ADGRE5: variants seen among roughly 807,000 people sequenced by gnomAD.
ADGRE5 encodes the protein CD97 molecule.
In ADGRE5, 72 loss-of-function variants were observed where a neutral mutation model predicts 100.3. The ratio of observed to expected loss-of-function variants is 0.72; its 90% CI spans 0.59 to 0.87. The LOEUF (loss-of-function observed/expected upper bound fraction) is 0.87, where lower values mean the gene tolerates loss of function less well. ADGRE5 is among the 40% of genes least tolerant of loss of function. ADGRE5 has a pLI of 0.00. For synonymous variants in ADGRE5, 439 were observed against 447.8 expected (o/e 0.98, Z 0.25); for missense variants, 959 against 1,094.7 (o/e 0.88, Z 1.75).
intron 1 of ADGRE5, among the ~76,000 whole-genome samples, chr19:14,388,001 A>G (rs1334329153): frequency 6.6e-6 from 1 of 152,014 alleles, no homozygotes; most frequent in African/African-American, 2.4e-5. Flanking sequence ...ACTTGAACCC[A>G]GGAGGTAGAG....
intron 4 of ADGRE5, among the ~76,000 whole-genome samples, chr19:14,391,824 G>A (rs557288086): frequency 1.3e-5 from 2 of 152,154 alleles, no homozygotes; most frequent in Non-Finnish European, 1.5e-5. Flanking sequence ...CTGGCCGGGC[G>A]CAGTGGCTCA....
At chr19:14,403,065 CAG>C (rs1257824813) in intron 12 of ADGRE5, among the ~76,000 whole-genome samples, 2 of 152,090 alleles carry the variant, frequency 1.3e-5, no homozygotes, top group African/African-American at 2.4e-5. Context: ...TATTTTAAGA[CAG>C]AGTCTCACTC....
At chr19:14,387,421 T>C (rs897256734) in intron 1 of ADGRE5, among the ~76,000 whole-genome samples, 11 of 152,084 alleles carry the variant, frequency 7.2e-5, no homozygotes, top group Non-Finnish European at 1.5e-4. Flanking sequence ...ACTCTGTCTG[T>C]AAAATAATTT....
intron 9 of ADGRE5, among the ~76,000 whole-genome samples, chr19:14,399,753 A>C (rs917426783): frequency 2.2e-4 from 33 of 151,980 alleles, no homozygotes; most frequent in African/African-American, 5.8e-4. Context: ...AAAAAAAAAA[A>C]AAACAGTTTT....
chr19:14,408,499 C>T lies in ADGRE5; in HGVS notation c.*378C>T. On this transcript the variant is annotated 3_prime_UTR_variant, in exon 20 of 20. Transcript: ENST00000242786. ...TGTCTTTGCTGCAGAACTGAAGAGA[C>T]TAGGCGCTGGGGCTCAGCTTCCCTC... 1 of 476,472 alleles carries T rather than the reference C, an allele frequency of 2.1e-6. No homozygotes were observed. Among genetic ancestry groups the T allele is most frequent in the Admixed American group, 3.5e-5 (1 of 28,920 alleles). 29.5% of individuals were successfully genotyped at this position (476,472 alleles called of 1,614,324 possible). A position where few individuals can be genotyped will look rare whatever the true frequency, so the allele number is the denominator to read the frequency against.
chr19:14,386,907 C>T (rs1975378112), intron 1 of ADGRE5, among the ~76,000 whole-genome samples: 1 of 151,604 alleles, frequency 6.6e-6, no homozygotes, highest in South Asian at 2.1e-4. Flanking sequence ...CCCAGATACT[C>T]TGGAGACTGA....
chr19:14,408,701 A>C lies in ADGRE5; in HGVS notation c.*580A>C. 1 of 573,204 alleles carries C rather than the reference A, an allele frequency of 1.7e-6. No individual in the cohort carries two copies. Among genetic ancestry groups the C allele is most frequent in the Non-Finnish European group, 2.9e-6 (1 of 340,804 alleles). The allele number at this position is 573,204 out of a possible 1,614,324, so 35.5% of individuals were successfully genotyped here. ...TAAAATTTTTCAGTGTTGACACTTA[A>C]AATTAAACACATGCATACAGAAGAT... On this transcript the variant is annotated 3_prime_UTR_variant, in exon 20 of 20. Coordinates refer to ENST00000242786, the MANE Select transcript of ADGRE5 (RefSeq NM_078481.4).
rs563311457 is a variant in ADGRE5, at chr19:14,397,107, C to T, written c.509C>T (p.Pro170Leu). 1.2e-5 allele frequency: 19 copies of T among 1,614,088 alleles called. No homozygotes were observed. Among genetic ancestry groups the T allele is most frequent in the Admixed American group, 3.3e-5 (2 of 60,002 alleles). The change falls in exon 6 of 20, where the codon CCG becomes CTG. Residue 170 changes from proline to leucine, a missense_variant. Pro to Leu is a moderately conservative substitution (Grantham distance 98). This residue lies in a region of ADGRE5 where 83 missense variants were observed against 88.8 expected (regional missense o/e 0.93). Coordinates refer to ENST00000242786, the MANE Select transcript of ADGRE5 (RefSeq NM_078481.4). ...AATGAATGCACCTCCGGACAAAACC[C>T]GTGCCACAGCTCCACCCACTGCCTC... ...DVNECTSGQN[P>L]CHSSTHCLNN...
At chr19:14,388,399 C>T in intron 1 of ADGRE5, 51 bp from the exon 2 acceptor site, 3 of 1,427,810 alleles carry the variant, frequency 2.1e-6, no homozygotes, top group Non-Finnish European at 2.8e-6. Context: ...CCTTACGCCT[C>T]CTTTCCCACC....
Position 14,398,148 on chromosome 19 carries a change from A to G in ADGRE5, c.897+9A>G, listed in dbSNP as rs376388702. On this transcript the variant is annotated intron_variant, in intron 9 of 19. Coordinates refer to ENST00000242786, the MANE Select transcript of ADGRE5 (RefSeq NM_078481.4). ...CCGAGGTCACCATCCAGGTAAGGGCAGGATGCTGGGGGACCCCAGGACAGT... is the reference window on the plus strand; with the variant it reads ...CCGAGGTCACCATCCAGGTAAGGGCGGGATGCTGGGGGACCCCAGGACAGT... The G allele has an allele frequency of 1.9e-5, 31 of 1,613,620 alleles. No individual in the cohort carries two copies. The highest frequency in any genetic ancestry group is 2.7e-5 in the African/African-American group (2 of 74,906).
chr19:14,399,229 AAGACTC>A, intron 9 of ADGRE5, among the ~76,000 whole-genome samples: 1 of 151,866 alleles, frequency 6.6e-6, no homozygotes, highest in Non-Finnish European at 1.5e-5. Context: ...TAATAGAAGT[AAGACTC>A]AGAACAGTGC....
chr19:14,407,917 G>A lies in ADGRE5; in HGVS notation c.2386G>A (p.Glu796Lys). ...GTGTCTGGGCCGGCAGGTTCGGGAA[G>A]AATACCGGAAGTGGGCCTGCCTAGT... ...HCLLNKKVRE[E>K]YRKWACLVAG... The change falls in exon 19 of 20, where the codon GAA (glutamate) becomes AAA (lysine). Residue 796 changes from glutamate to lysine, a missense_variant. Glu to Lys is a moderately conservative substitution (Grantham distance 56). This residue lies in a region of ADGRE5 where 428 missense variants were observed against 386.2 expected (regional missense o/e 1.11). Coordinates refer to ENST00000242786, the MANE Select transcript of ADGRE5 (RefSeq NM_078481.4). 6.2e-7 allele frequency: 1 copy of A among 1,614,060 alleles called. No homozygotes were observed.
Position 14,402,841 on chromosome 19 carries a change from G to A in ADGRE5, c.1428G>A (p.Ala476=), listed in dbSNP as rs765784805. 65 of 1,613,712 alleles carry A rather than the reference G, an allele frequency of 4.0e-5. No individual in the cohort carries two copies. The highest frequency in any genetic ancestry group is 8.8e-5 in the South Asian group (8 of 91,058). The change falls in exon 12 of 20, where the codon GCG becomes GCA. Residue 476 remains alanine (A), a synonymous_variant. Transcript: ENST00000242786. ...ACCTTGAGTCCTCCGATGGGGAGGC[G>A]GGAAGAGACCCTCCTGCCAAGGTCT... The part of the protein sequence containing the change: ...FSHLESSDGE[A]GRDPPAKDVM...
chr19:14,390,895 A>T, intron 3 of ADGRE5, 29 bp from the exon 4 acceptor site: 9 of 1,608,660 alleles, frequency 5.6e-6, no homozygotes, highest in Non-Finnish European at 6.8e-6. Context: ...CATCTTTGGG[A>T]GGTGACTCCC....
rs1976367067 is a variant in ADGRE5 at position 14,408,205 on chromosome 19, C to G, written c.*84C>G. The G allele has an allele frequency of 1.4e-6, 2 of 1,420,234 alleles. No individual in the cohort carries two copies. Among genetic ancestry groups the G allele is most frequent in the Non-Finnish European group, 9.8e-7 (1 of 1,018,668 alleles). 88.0% of individuals were successfully genotyped at this position (1,420,234 alleles called of 1,614,324 possible). On this transcript the variant is annotated 3_prime_UTR_variant, in exon 20 of 20. Transcript: ENST00000242786. Reference sequence around the variant, plus strand: ...AGACCATCCATCCTCCCTTCGTCCACCACTCTACTCCCTCCACCCTCCCTC... The same window carrying G: ...AGACCATCCATCCTCCCTTCGTCCAGCACTCTACTCCCTCCACCCTCCCTC...
At chr19:14,388,576 C>T (rs889249735) in intron 2 of ADGRE5, 76 bp downstream of exon 2, 37 of 1,598,674 alleles carry the variant, frequency 2.3e-5, no homozygotes, top group African/African-American at 1.3e-4. Context: ...GCCCAGCCCC[C>T]TTCAGCCCAG....
chr19:14,407,057 G>C lies in ADGRE5; in HGVS notation c.2208-4G>C, dbSNP rs376707519. 1.8e-5 allele frequency: 29 copies of C among 1,613,998 alleles called. No homozygotes were observed. Among genetic ancestry groups the C allele is most frequent in the Non-Finnish European group, 2.5e-5 (29 of 1,180,006 alleles). On this transcript the variant is annotated splice_polypyrimidine_tract_variant and splice_region_variant and intron_variant, in intron 17 of 19. Coordinates refer to ENST00000242786, the MANE Select transcript of ADGRE5 (RefSeq NM_078481.4). ...GGCCCACGCTGCAACCCCGCTCCTC[G>C]CAGGGCGCTGACCATCACGGCCATC...
At chr19:14,383,086 C>T (rs1287825406) in intron 1 of ADGRE5, among the ~76,000 whole-genome samples, 1 of 152,080 alleles carries the variant, frequency 6.6e-6, no homozygotes, top group East Asian at 1.9e-4. Context: ...GCCTGTAGTC[C>T]TAGTGGCTCA....
chr19:14,406,047 T>C lies in ADGRE5; in HGVS notation c.1821+108T>C, dbSNP rs1387642708. ...GTCGGGTAGGCGGGCCCTGGAGGCA[T>C]GAGGCCCCGCCCCTGTCCGGGATCT... On this transcript the variant is annotated intron_variant, in intron 14 of 19. Coordinates refer to ENST00000242786, the MANE Select transcript of ADGRE5 (RefSeq NM_078481.4). The surrounding 1 kb of genome is among the most constrained non-coding windows in gnomAD (Gnocchi z 6.0). 1.0e-6 allele frequency: 1 copy of C among 971,246 alleles called. No individual in the cohort carries two copies. Among genetic ancestry groups the C allele is most frequent in the East Asian group, 2.6e-5 (1 of 37,766 alleles). 60.2% of individuals were successfully genotyped at this position (971,246 alleles called of 1,614,324 possible).
Sources: allele counts gnomAD v4.1 joint callset (sites outside exome capture counted in the v4.1 genomes callset), GRCh38; gene constraint gnomAD v4.1.1; regional missense constraint gnomAD v4.1.1; non-coding constraint Gnocchi (gnomAD v3.1); transcripts MANE v1.5; gene names NCBI Gene and HGNC (gene_info 2026-07-23, HGNC 2026-07-21).